PLCB4: variants seen among roughly 807,000 people sequenced by gnomAD.
PLCB4 encodes the protein 1-phosphatidylinositol 4,5-bisphosphate phosphodiesterase beta-4.
PLCB4 carries 77 observed loss-of-function variants against 178.8 expected under a neutral mutation model. The observed-to-expected ratio is 0.43, with a 90% CI of 0.36 to 0.52. PLCB4 has a LOEUF of 0.52. Among genes scored for constraint, PLCB4 ranks in the 20% least tolerant of loss-of-function variants. The probability of loss-of-function intolerance (pLI) is 0.00; values close to 1 mark genes in which losing one functional copy is unlikely to be tolerated. For synonymous variants in PLCB4, 496 were observed against 490.8 expected, an observed-to-expected ratio of 1.01 and a Z score of -0.14; for missense variants, 1,024 against 1,453.4, an observed-to-expected ratio of 0.70 and a Z score of 4.80.
At chr20:9,296,974 G>A (rs905537912) in intron 3 of PLCB4, among the ~76,000 whole-genome samples, 44 of 152,038 alleles carry the variant, frequency 2.9e-4, no homozygotes, top group Middle Eastern at 3.4e-3. Flanking sequence ...TAACCTGCAC[G>A]TTGTGCACAT....
Position 9,333,602 on chromosome 20 carries a change from T to C in PLCB4, c.85-3524T>C, listed in dbSNP as rs190422014. Among the ~76,000 whole-genome samples the C allele has an allele frequency of 1.2e-3, 178 of 152,258 alleles. 1 individual carries two copies. The highest frequency in any genetic ancestry group is 3.8e-3 in the African/African-American group (156 of 41,550). Reference sequence around the variant, plus strand: ...AGTTGGGATTTTATCCTAAATATGATAGGAATCCATTGAATGGTTTTAATA... The same window carrying C: ...AGTTGGGATTTTATCCTAAATATGACAGGAATCCATTGAATGGTTTTAATA... On this transcript the variant is annotated intron_variant, in intron 4 of 39. Transcript: ENST00000378473.
rs71184138 is a variant in PLCB4 at position 9,206,299 on chromosome 20, C to CT, written c.-78-11068dup. Among the ~76,000 whole-genome samples, 775 of 96,020 alleles carry CT rather than the reference C, an allele frequency of 8.1e-3. 1 individual carries two copies. Among genetic ancestry groups the CT allele is most frequent in the East Asian group, 0.014 (45 of 3,284 alleles). 63.0% of individuals were successfully genotyped at this position (96,020 alleles called of 152,430 possible). Reference sequence around the variant, plus strand: ...TCCTCCTGCCTTTTTTTTCTTTTTTCTTTTTTTTTTTTTTTTTTTTTTTGG... The same window carrying CT: ...TCCTCCTGCCTTTTTTTTCTTTTTTCTTTTTTTTTTTTTTTTTTTTTTTTGG... On this transcript the variant is annotated intron_variant, in intron 2 of 39. Coordinates refer to ENST00000378473, the MANE Select transcript of PLCB4 (RefSeq NM_001377142.1).
intron 3 of PLCB4, among the ~76,000 whole-genome samples, chr20:9,295,608 G>A (rs2094625006): frequency 6.6e-6 from 1 of 152,144 alleles, no homozygotes; most frequent in African/African-American, 2.4e-5. Context: ...TAAGGTGTAA[G>A]GAAGGGATCC....
intron 20 of PLCB4, among the ~76,000 whole-genome samples, chr20:9,403,419 C>T (rs936473759): frequency 6.6e-5 from 10 of 151,962 alleles, no homozygotes; most frequent in Non-Finnish European, 1.2e-4. Flanking sequence ...GGAAAGAGAA[C>T]AGTGTTAACA....
In PLCB4 at chr20:9,378,629, G is replaced by A. The variant is rs1332167434; in HGVS notation, c.745-1425G>A. ...CATAACTTTTGTTCTTGGTGGCCTC[G>A]AGGCCTGCTGTTAACATAACAGTTT... On this transcript the variant is annotated intron_variant, in intron 12 of 39. Transcript: ENST00000378473. Among the ~76,000 whole-genome samples, 5 of 152,168 alleles carry A rather than the reference G, an allele frequency of 3.3e-5. 1 individual carries two copies. The highest frequency in any genetic ancestry group is 1.9e-4 in the East Asian group (1 of 5,178).
intron 28 of PLCB4, among the ~76,000 whole-genome samples, chr20:9,432,753 T>C (rs2041509821): frequency 6.6e-6 from 1 of 152,222 alleles, no homozygotes; most frequent in Admixed American, 6.5e-5. Context: ...GAGAAAGCCA[T>C]GTGGTTCTCC....
intron 2 of PLCB4, among the ~76,000 whole-genome samples, chr20:9,211,888 G>T (rs2093677017): frequency 6.6e-6 from 1 of 152,180 alleles, no homozygotes; most frequent in Non-Finnish European, 1.5e-5. Flanking sequence ...ATAATAAAGT[G>T]TAATAAACCA....
chr20:9,102,797 A>G (rs1403012839), intron 2 of PLCB4, among the ~76,000 whole-genome samples: 1 of 152,142 alleles, frequency 6.6e-6, no homozygotes, highest in Admixed American at 6.5e-5. Flanking sequence ...GCACTTTGTA[A>G]CCTGAGACAG....
At chr20:9,420,137 T>A (rs151106182) in intron 26 of PLCB4, among the ~76,000 whole-genome samples, 9 of 152,220 alleles carry the variant, frequency 5.9e-5, no homozygotes, top group African/African-American at 1.9e-4. Flanking sequence ...TTGATTCCAT[T>A]TATACAAAAT....
At chr20:9,385,917 A>G (rs1195939280) in intron 14 of PLCB4, among the ~76,000 whole-genome samples, 1 of 152,154 alleles carries the variant, frequency 6.6e-6, no homozygotes, top group Non-Finnish European at 1.5e-5. Flanking sequence ...TGGAAGGTGG[A>G]GGTTGTGGCG....
intron 3 of PLCB4, among the ~76,000 whole-genome samples, chr20:9,303,245 A>G (rs1178093195): frequency 6.6e-6 from 1 of 152,196 alleles, no homozygotes; most frequent in African/African-American, 2.4e-5. Context: ...CATACATGCT[A>G]TATTCACCAA....
intron 2 of PLCB4, among the ~76,000 whole-genome samples, chr20:9,198,080 A>G (rs531407218): frequency 6.6e-6 from 1 of 152,362 alleles, no homozygotes; most frequent in African/African-American, 2.4e-5. Flanking sequence ...AGGACTCTGC[A>G]TGAGCAAGTT....
intron 27 of PLCB4, 129 bp downstream of exon 27, chr20:9,421,590 T>C (rs2040641642): frequency 5.6e-6 from 4 of 717,644 alleles, no homozygotes; most frequent in African/African-American, 5.3e-5. Flanking sequence ...TCCTAATGGC[T>C]AACTTCTGTA....
At chr20:9,465,131 C>T (rs2043678161) in intron 35 of PLCB4, among the ~76,000 whole-genome samples, 1 of 152,198 alleles carries the variant, frequency 6.6e-6, no homozygotes, top group South Asian at 2.1e-4. Context: ...TCTGGTTCAA[C>T]ATATGCAAAT....
chr20:9,351,601 C>G (rs1373352904), intron 7 of PLCB4, among the ~76,000 whole-genome samples: 2 of 152,124 alleles, frequency 1.3e-5, no homozygotes, highest in Non-Finnish European at 2.9e-5. Flanking sequence ...TGTGGGGAGA[C>G]TTTACCTTAA....
At chr20:9,210,746 C>T (rs2093664093) in intron 2 of PLCB4, among the ~76,000 whole-genome samples, 1 of 152,112 alleles carries the variant, frequency 6.6e-6, no homozygotes, top group Admixed American at 6.6e-5. Context: ...AGATCAGGCC[C>T]ATGGGCAGCC....
intron 24 of PLCB4, among the ~76,000 whole-genome samples, chr20:9,410,046 T>A (rs946359060): frequency 1.3e-5 from 2 of 152,242 alleles, no homozygotes; most frequent in Admixed American, 6.5e-5. Flanking sequence ...GAGGATTTTT[T>A]AAAATCTATT....
intron 4 of PLCB4, among the ~76,000 whole-genome samples, chr20:9,319,219 G>T (rs1437717485): frequency 6.7e-6 from 1 of 149,442 alleles, no homozygotes; most frequent in East Asian, 2.1e-4. Context: ...CTAGGGAGAA[G>T]AAATTTTTTT....
intron 4 of PLCB4, among the ~76,000 whole-genome samples, chr20:9,312,394 ACACG>A (rs796244755): frequency 1.1e-3 from 152 of 144,016 alleles, no homozygotes; most frequent in Middle Eastern, 3.4e-3. Flanking sequence ...ACACACACAC[ACACG>A]CACGCACTCA....
Sources: allele counts gnomAD v4.1 joint callset (sites outside exome capture counted in the v4.1 genomes callset), GRCh38; gene constraint gnomAD v4.1.1; transcripts MANE v1.5; gene names NCBI Gene and HGNC (gene_info 2026-07-23, HGNC 2026-07-21).